Variants in CNTNAP2 observed in about 807,000 individuals in gnomAD.
CNTNAP2 encodes contactin-associated protein-like 2.
Under a neutral mutation model 155.2 loss-of-function variants are expected in CNTNAP2, and 98 were observed. That is an observed-to-expected ratio of 0.63 (90% CI 0.54 to 0.75). The LOEUF (loss-of-function observed/expected upper bound fraction) is 0.75. Ranked by LOEUF, CNTNAP2 falls within the 30% of genes least tolerant of loss-of-function variation. CNTNAP2 has a pLI of 0.00. For synonymous variants in CNTNAP2, 651 were observed against 631.2 expected (o/e 1.03, Z -0.47); for missense variants, 1,727 against 1,688.1 (o/e 1.02, Z -0.40).
At chr7:146,160,488 A>T (rs1798200729) in intron 1 of CNTNAP2, among the ~76,000 whole-genome samples, 1 of 152,190 alleles carries the variant, frequency 6.6e-6, no homozygotes, top group Non-Finnish European at 1.5e-5. Flanking sequence ...AGAGAGAAGA[A>T]TCAAATAGAT....
chr7:147,595,969 AT>A, intron 12 of CNTNAP2, among the ~76,000 whole-genome samples: 1 of 151,784 alleles, frequency 6.6e-6, no homozygotes, highest in East Asian at 1.9e-4. Flanking sequence ...TTTGTTTTTG[AT>A]TTTTTGTTTT....
At chr7:146,353,768 C>G (rs1442409287) in intron 1 of CNTNAP2, among the ~76,000 whole-genome samples, 2 of 151,958 alleles carry the variant, frequency 1.3e-5, no homozygotes, top group South Asian at 4.2e-4. Context: ...TCTTAGATTA[C>G]TAGGGCCTAT....
At chr7:148,052,975 A>T (rs547681614) in intron 15 of CNTNAP2, among the ~76,000 whole-genome samples, 22 of 152,306 alleles carry the variant, frequency 1.4e-4, no homozygotes, top group Non-Finnish European at 2.5e-4. Flanking sequence ...TGAAACCAGG[A>T]GGCAGAAATT....
At chr7:146,394,589 C>T (rs1795593203) in intron 1 of CNTNAP2, among the ~76,000 whole-genome samples, 1 of 152,034 alleles carries the variant, frequency 6.6e-6, no homozygotes, top group African/African-American at 2.4e-5. Context: ...TTAAAGGAGG[C>T]AAACTGAGAG....
At chr7:147,200,638 A>G (rs1563113718) in intron 8 of CNTNAP2, among the ~76,000 whole-genome samples, 1 of 152,198 alleles carries the variant, frequency 6.6e-6, no homozygotes, top group East Asian at 1.9e-4. Context: ...CACTATAAAA[A>G]GTTTTTTAGA....
chr7:146,274,068 A>G (rs1197286241), intron 1 of CNTNAP2, among the ~76,000 whole-genome samples: 1 of 152,170 alleles, frequency 6.6e-6, no homozygotes, highest in Non-Finnish European at 1.5e-5. Flanking sequence ...ATATATGCAA[A>G]GTGCTTGGCT....
At chr7:147,053,218 C>T (rs909885071) in intron 4 of CNTNAP2, among the ~76,000 whole-genome samples, 2 of 152,066 alleles carry the variant, frequency 1.3e-5, no homozygotes, top group African/African-American at 4.8e-5. Context: ...GGATCAGATA[C>T]TCAGTGGATC....
chr7:148,338,155 C>A (rs1798154694), intron 21 of CNTNAP2, among the ~76,000 whole-genome samples: 1 of 152,120 alleles, frequency 6.6e-6, no homozygotes. Context: ...TTTGCCTTTT[C>A]CACAATGTCA....
At chr7:146,390,286 T>C (rs1286697843) in intron 1 of CNTNAP2, among the ~76,000 whole-genome samples, 1 of 152,062 alleles carries the variant, frequency 6.6e-6, no homozygotes, top group Non-Finnish European at 1.5e-5. Context: ...TTACTTTTAG[T>C]AAATACACAA....
intron 9 of CNTNAP2, among the ~76,000 whole-genome samples, chr7:147,336,950 T>C (rs533365125): frequency 2.4e-4 from 37 of 152,292 alleles, no homozygotes; most frequent in Non-Finnish European, 4.9e-4. Flanking sequence ...TCTAGTGTTA[T>C]CAGCCAAGTT....
chr7:147,406,238 C>T, intron 10 of CNTNAP2, among the ~76,000 whole-genome samples: 1 of 152,128 alleles, frequency 6.6e-6, no homozygotes. Flanking sequence ...CAATCTGTTA[C>T]ATCACATTGT....
At chr7:147,551,022 C>T (rs1281883891) in intron 11 of CNTNAP2, among the ~76,000 whole-genome samples, 3 of 152,104 alleles carry the variant, frequency 2.0e-5, no homozygotes, top group Non-Finnish European at 4.4e-5. Context: ...TTGCATACAC[C>T]AGGCACTGTG....
At chr7:147,838,748 G>C (rs1402430424) in intron 13 of CNTNAP2, among the ~76,000 whole-genome samples, 1 of 152,076 alleles carries the variant, frequency 6.6e-6, no homozygotes, top group Non-Finnish European at 1.5e-5. Flanking sequence ...AAGTCTCTAG[G>C]GAGTTCCAAA....
chr7:148,006,199 A>G (rs1349259410), intron 15 of CNTNAP2, among the ~76,000 whole-genome samples: 2 of 152,226 alleles, frequency 1.3e-5, no homozygotes, highest in African/African-American at 4.8e-5. Flanking sequence ...AACAGTGCCA[A>G]CTTCTGAAAG....
At chr7:147,653,862 C>A (rs1795486120) in intron 13 of CNTNAP2, among the ~76,000 whole-genome samples, 1 of 152,166 alleles carries the variant, frequency 6.6e-6, no homozygotes, top group Admixed American at 6.5e-5. Flanking sequence ...ATATTTAAGC[C>A]TACCTAGAAA....
chr7:146,340,292 T>G (rs1361853525), intron 1 of CNTNAP2, among the ~76,000 whole-genome samples: 1 of 147,672 alleles, frequency 6.8e-6, no homozygotes, highest in African/African-American at 2.4e-5. Context: ...TGTTGTTTTT[T>G]TTTTTTTTTT....
Position 148,217,457 on chromosome 7 carries a change from G to T in CNTNAP2, c.3180G>T (p.Ala1060=). Residue 1060 remains alanine, a synonymous_variant, in exon 19 of 24, where the codon GCG becomes GCT. Transcript: ENST00000361727. ...GCTTCAGCTTCAGCACCACCAAGGC[G>T]CCCTGCATTCTCCTCTACATCAGCT... is the stretch of plus-strand genomic sequence containing the variant. ...EIRFSFSTTK[A]PCILLYISSF... 6.2e-7 allele frequency: 1 copy of T among 1,614,106 alleles called. No individual in the cohort carries two copies. The highest frequency in any genetic ancestry group is 8.5e-7 in the Non-Finnish European group (1 of 1,180,022).
At chr7:147,822,306 T>C (rs763696203) in intron 13 of CNTNAP2, among the ~76,000 whole-genome samples, 1 of 152,302 alleles carries the variant, frequency 6.6e-6, no homozygotes, top group Non-Finnish European at 1.5e-5. Context: ...CATGGAGATG[T>C]TGTGTATATC....
intron 3 of CNTNAP2, among the ~76,000 whole-genome samples, chr7:146,944,388 A>G (rs950287964): frequency 6.6e-6 from 1 of 152,090 alleles, no homozygotes; most frequent in African/African-American, 2.4e-5. Flanking sequence ...TATGTGTTGC[A>G]TATGGTATAT....
Sources: gnomAD v4.1 joint callset for allele counts (sites outside exome capture counted in the v4.1 genomes callset) on GRCh38, gnomAD v4.1.1 for gene constraint, MANE v1.5 for transcripts, NCBI Gene and HGNC (gene_info 2026-07-23, HGNC 2026-07-21) for gene names.